The following PELI2 variants were observed in gnomAD, a reference collection of about 807,000 sequenced individuals.
The protein encoded by PELI2 is E3 ubiquitin-protein ligase pellino homolog 2.
In PELI2, 23 loss-of-function variants were observed where a neutral mutation model predicts 42.3. The ratio of observed to expected loss-of-function variants is 0.54; its 90% confidence interval spans 0.39 to 0.77. The LOEUF (loss-of-function observed/expected upper bound fraction) is 0.77, where lower values mean the gene tolerates loss of function less well. Among genes scored for constraint, PELI2 ranks in the 30% least tolerant of loss-of-function variants. The probability of loss-of-function intolerance (pLI) is 0.00; values close to 1 mark genes in which losing one functional copy is unlikely to be tolerated. For missense variants in PELI2, 463 were observed against 553.2 expected (o/e 0.84, Z 1.64); for synonymous variants, 245 against 212.2 (o/e 1.15, Z -1.34).
intron 5 of PELI2, among the ~76,000 whole-genome samples, chr14:56,293,941 T>A (rs1889917870): frequency 6.6e-6 from 1 of 152,040 alleles, no homozygotes; most frequent in East Asian, 1.9e-4. Flanking sequence ...TTAGACACAG[T>A]TTTATCCTGC....
rs552317139 is a variant in PELI2, at chr14:56,182,183, G to A, written c.207+3719G>A. On this transcript the variant is annotated intron_variant, in intron 2 of 5. Transcript: ENST00000267460. ...GGAAGGACCTCTAAAAAAGTGGTGC[G>A]AGAGCTGTGAGCTGGAGAGGAGAGA... Among the ~76,000 whole-genome samples the A allele has an allele frequency of 2.0e-5, 3 of 152,066 alleles. No homozygotes were observed. In the East Asian group the frequency reaches 5.8e-4, roughly 29 times the overall value.
At chr14:56,172,924 T>C (rs960389803) in intron 1 of PELI2, among the ~76,000 whole-genome samples, 1 of 152,220 alleles carries the variant, frequency 6.6e-6, no homozygotes, top group Non-Finnish European at 1.5e-5. Context: ...CTGGTCCTGG[T>C]CCTTATGCTT....
At chr14:56,248,427 A>C (rs1888233772) in intron 2 of PELI2, among the ~76,000 whole-genome samples, 1 of 152,072 alleles carries the variant, frequency 6.6e-6, no homozygotes, top group South Asian at 2.1e-4. Flanking sequence ...AGCCCAGAAA[A>C]AGAAGCGATA....
intron 1 of PELI2, among the ~76,000 whole-genome samples, chr14:56,172,123 T>G (rs1566618545): frequency 6.6e-6 from 1 of 152,352 alleles, no homozygotes; most frequent in Admixed American, 6.5e-5. Flanking sequence ...TACCCCAAAC[T>G]TAGTGGCTTA....
chr14:56,123,007 A>C (rs1036752823), intron 1 of PELI2, among the ~76,000 whole-genome samples: 1 of 152,354 alleles, frequency 6.6e-6, no homozygotes, highest in East Asian at 1.9e-4. Flanking sequence ...AAGAACCTCT[A>C]CAAATGAAAA....
chr14:56,175,349 C>G (rs867781467), intron 1 of PELI2, among the ~76,000 whole-genome samples: 32 of 152,214 alleles, frequency 2.1e-4, no homozygotes, highest in Admixed American at 9.2e-4. Flanking sequence ...TCTAATGCGT[C>G]CTGCCATGTG....
At chr14:56,177,162 A>T (rs1885412164) in intron 1 of PELI2, among the ~76,000 whole-genome samples, 1 of 152,258 alleles carries the variant, frequency 6.6e-6, no homozygotes, top group Non-Finnish European at 1.5e-5. Flanking sequence ...ACTTACAGTG[A>T]TAATTTGAAA....
intron 1 of PELI2, among the ~76,000 whole-genome samples, chr14:56,155,743 G>A (rs1247148542): frequency 8.2e-6 from 1 of 121,888 alleles, no homozygotes; most frequent in African/African-American, 2.8e-5. Context: ...CACCACGCCC[G>A]GCTAATTTTT....
In PELI2 at chr14:56,278,941, T is replaced by G. The variant is rs59917215; in HGVS notation, c.208-735T>G. On this transcript the variant is annotated intron_variant, in intron 2 of 5. Transcript: ENST00000267460. ...GATTTATTTGTTAATTTAGAAACAT[T>G]AAAAGTATGTGACCACAACTTTTTG... Among the ~76,000 whole-genome samples, 966 of 152,294 alleles carry G rather than the reference T, an allele frequency of 6.3e-3. 2 individuals carry two copies. Among genetic ancestry groups the G allele is most frequent in the African/African-American group, 0.023 (947 of 41,590 alleles).
intron 2 of PELI2, among the ~76,000 whole-genome samples, chr14:56,276,787 A>G (rs1193807410): frequency 1.3e-5 from 2 of 152,286 alleles, no homozygotes; most frequent in Admixed American, 6.5e-5. Flanking sequence ...ACCTAAAAGC[A>G]TTCCCCTTTC....
rs1350929902 is a variant in PELI2 at position 56,271,140 on chromosome 14, A to T, written c.208-8536A>T. ...ATACGTTTGATACCCTCTAGTCCTC[A>T]CCCTGCTCTGCCCCGACATCACAGT... On this transcript the variant is annotated intron_variant, in intron 2 of 5. Coordinates refer to ENST00000267460, the MANE Select transcript of PELI2 (RefSeq NM_021255.3). 2.0e-5 allele frequency among the ~76,000 whole-genome samples: 3 copies of T among 152,232 alleles called. No homozygotes were observed. The East Asian group carries it at 5.8e-4, about 29-fold the overall frequency.
At chr14:56,233,384 T>A (rs930739164) in intron 2 of PELI2, among the ~76,000 whole-genome samples, 4 of 152,108 alleles carry the variant, frequency 2.6e-5, no homozygotes, top group Non-Finnish European at 5.9e-5. Flanking sequence ...CCAAAACAGC[T>A]TGGTACTGGT....
At chr14:56,291,845 G>A (rs34732416) in intron 5 of PELI2, among the ~76,000 whole-genome samples, 23,658 of 152,244 alleles carry the variant, frequency 0.16, 2,159 homozygotes, top group South Asian at 0.36. Context: ...ATTGCCCAGT[G>A]TCACAGAGTT....
chr14:56,206,780 C>G (rs1018886766), intron 2 of PELI2, among the ~76,000 whole-genome samples: 13 of 151,936 alleles, frequency 8.6e-5, no homozygotes, highest in African/African-American at 3.1e-4. Context: ...GTTTATGGCT[C>G]TTATACACTG....
At chr14:56,255,732 G>A (rs1209138148) in intron 2 of PELI2, among the ~76,000 whole-genome samples, 2 of 152,168 alleles carry the variant, frequency 1.3e-5, no homozygotes, top group African/African-American at 2.4e-5. Flanking sequence ...CCCACAGATT[G>A]GTGTGATCAG....
chr14:56,141,641 G>C (rs1356544906), intron 1 of PELI2, among the ~76,000 whole-genome samples: 1 of 152,172 alleles, frequency 6.6e-6, no homozygotes, highest in Non-Finnish European at 1.5e-5. Context: ...CCTCTTCACA[G>C]GTCAGCGGGA....
intron 2 of PELI2, among the ~76,000 whole-genome samples, chr14:56,252,082 T>C (rs1888366460): frequency 6.6e-6 from 1 of 152,234 alleles, no homozygotes; most frequent in Non-Finnish European, 1.5e-5. Context: ...TCTGCTTCAA[T>C]AATTTGTTTG....
At chr14:56,145,499 G>A (rs1445020644) in intron 1 of PELI2, among the ~76,000 whole-genome samples, 2 of 152,190 alleles carry the variant, frequency 1.3e-5, no homozygotes, top group African/African-American at 2.4e-5. Context: ...CAGAATGCCT[G>A]CTTTCCCTCC....
At chr14:56,128,731 T>A (rs1181739712) in intron 1 of PELI2, among the ~76,000 whole-genome samples, 1 of 151,288 alleles carries the variant, frequency 6.6e-6, no homozygotes, top group South Asian at 2.1e-4. Flanking sequence ...GGTATTGAAA[T>A]ATTTGGGCTA....
Sources: allele counts gnomAD v4.1 joint callset (sites outside exome capture counted in the v4.1 genomes callset), GRCh38; gene constraint gnomAD v4.1.1; transcripts MANE v1.5; gene names NCBI Gene and HGNC (gene_info 2026-07-23, HGNC 2026-07-21).